The following SLC22A15 variants were observed in gnomAD, a reference collection of about 807,000 sequenced individuals.
SLC22A15 encodes the protein flipt 1.
A neutral mutation model predicts 62.7 loss-of-function variants in SLC22A15; 45 were observed. That is an observed-to-expected ratio of 0.72 (90% CI 0.56 to 0.92). The LOEUF (loss-of-function observed/expected upper bound fraction) is 0.92, where lower values mean the gene tolerates loss of function less well. Among genes scored for constraint, SLC22A15 ranks in the 40% least tolerant of loss-of-function variants. The pLI is 0.00. For synonymous variants in SLC22A15, 264 were observed against 267.0 expected, an observed-to-expected ratio of 0.99 and a Z score of 0.11; for missense variants, 622 against 665.6, an observed-to-expected ratio of 0.93 and a Z score of 0.72.
At chr1:115,979,227 T>C (rs756672810) in intron 1 of SLC22A15, among the ~76,000 whole-genome samples, 1 of 152,246 alleles carries the variant, frequency 6.6e-6, no homozygotes, top group Non-Finnish European at 1.5e-5. Context: ...AACTGTTTTC[T>C]TGAATTATTG....
intron 2 of SLC22A15, among the ~76,000 whole-genome samples, chr1:116,005,402 T>C (rs938025345): frequency 4.6e-5 from 7 of 152,014 alleles, no homozygotes; most frequent in African/African-American, 9.7e-5. Flanking sequence ...TTGATCTCCA[T>C]AGGATTTTGA....
chr1:116,052,059 A>T (rs886095248), intron 8 of SLC22A15, among the ~76,000 whole-genome samples: 6 of 152,228 alleles, frequency 3.9e-5, no homozygotes, highest in Admixed American at 2.0e-4. Flanking sequence ...GGCGCAGGAC[A>T]GTGGGTGCAG....
chr1:116,009,771 C>A (rs749687249), intron 2 of SLC22A15, among the ~76,000 whole-genome samples: 2 of 152,114 alleles, frequency 1.3e-5, no homozygotes, highest in Non-Finnish European at 2.9e-5. Flanking sequence ...AATATATAAT[C>A]TGTGGTATAT....
At chr1:115,989,547 G>A (rs920217374) in intron 1 of SLC22A15, among the ~76,000 whole-genome samples, 2 of 152,116 alleles carry the variant, frequency 1.3e-5, no homozygotes, top group Non-Finnish European at 2.9e-5. Flanking sequence ...TTGGGAGGCC[G>A]AGGCAGGTGG....
intron 2 of SLC22A15, among the ~76,000 whole-genome samples, chr1:116,006,377 A>G (rs1257026884): frequency 6.6e-6 from 1 of 152,122 alleles, no homozygotes; most frequent in Non-Finnish European, 1.5e-5. Context: ...AGGAAGGGTG[A>G]ATTAGTTAAA....
chr1:116,008,588 C>T (rs1410748810), intron 2 of SLC22A15, among the ~76,000 whole-genome samples: 2 of 152,188 alleles, frequency 1.3e-5, no homozygotes, highest in Non-Finnish European at 2.9e-5. Context: ...GCAGAGCTCA[C>T]ATTCCTCATA....
chr1:115,992,882 C>G (rs1018144309), intron 2 of SLC22A15, among the ~76,000 whole-genome samples: 27 of 152,224 alleles, frequency 1.8e-4, no homozygotes, highest in African/African-American at 6.3e-4. Context: ...ACCTCGGCCT[C>G]CCAAAGTGCT....
intron 2 of SLC22A15, among the ~76,000 whole-genome samples, chr1:115,996,056 TA>T (rs1394780607): frequency 1.3e-5 from 2 of 152,174 alleles, no homozygotes; most frequent in African/African-American, 2.4e-5. Context: ...TCCCATCCCT[TA>T]CCCTTTTCTT....
At chr1:115,995,529 G>C (rs1655379657) in intron 2 of SLC22A15, among the ~76,000 whole-genome samples, 1 of 152,166 alleles carries the variant, frequency 6.6e-6, no homozygotes, top group African/African-American at 2.4e-5. Context: ...GGGATTATAG[G>C]TGTGAGCTAC....
At chr1:116,005,242 C>T (rs1353841885) in intron 2 of SLC22A15, among the ~76,000 whole-genome samples, 1 of 152,012 alleles carries the variant, frequency 6.6e-6, no homozygotes, top group Non-Finnish European at 1.5e-5. Context: ...GAAGTGGGAT[C>T]CCTCTTGTGT....
At chr1:116,037,561 G>T in intron 8 of SLC22A15, 173 bp downstream of exon 8, 1 of 591,782 alleles carries the variant, frequency 1.7e-6, no homozygotes, top group Admixed American at 2.8e-5. Flanking sequence ...CTATTCTCTG[G>T]GTGAATAATG....
At chr1:116,014,315 A>C (rs1263388259) in intron 2 of SLC22A15, among the ~76,000 whole-genome samples, 1 of 152,156 alleles carries the variant, frequency 6.6e-6, no homozygotes, top group East Asian at 1.9e-4. Flanking sequence ...TTCTGCCCCC[A>C]GTTGTGCCTG....
intron 2 of SLC22A15, among the ~76,000 whole-genome samples, chr1:116,006,642 A>G (rs750056480): frequency 2.0e-5 from 3 of 151,520 alleles, no homozygotes; most frequent in Non-Finnish European, 4.4e-5. Flanking sequence ...GTCAATCTGT[A>G]TCTCTGTGTC....
chr1:116,026,867 T>G, intron 4 of SLC22A15, 26 bp from the exon 5 acceptor site: 1 of 1,610,500 alleles, frequency 6.2e-7, no homozygotes, highest in East Asian at 2.2e-5. Flanking sequence ...CTTTCTCCAG[T>G]GACAGTTCTC....
At chr1:116,043,804 A>C (rs915373754) in intron 8 of SLC22A15, among the ~76,000 whole-genome samples, 1 of 152,208 alleles carries the variant, frequency 6.6e-6, no homozygotes, top group Admixed American at 6.5e-5. Flanking sequence ...ATAGGCATTT[A>C]ATAAGGGAAT....
At chr1:116,002,379 C>G (rs1299350898) in intron 2 of SLC22A15, among the ~76,000 whole-genome samples, 1 of 151,974 alleles carries the variant, frequency 6.6e-6, no homozygotes, top group Non-Finnish European at 1.5e-5. Flanking sequence ...CCCAAAGGCT[C>G]TTTAGTCAGT....
rs371305815 is a variant in SLC22A15, at chr1:116,035,229, G to A, written c.987G>A (p.Ala329=). 3.2e-5 allele frequency: 52 copies of A among 1,613,108 alleles called. 1 individual carries two copies. In the East Asian group the frequency reaches 8.5e-4, roughly 26 times the overall value. Residue 329 remains alanine, a synonymous_variant, in exon 7 of 12, where the codon GCG becomes GCA. Coordinates refer to ENST00000369503, the MANE Select transcript of SLC22A15 (RefSeq NM_018420.3). ...SLVYYGLTLS[A]GDLGGSIYAN... ...TGTATTATGGCCTAACTCTGAGTGC[G>A]GGTGATCTAGGTGGAAGTATTTATG...
intron 8 of SLC22A15, among the ~76,000 whole-genome samples, chr1:116,054,412 T>C (rs1658145630): frequency 6.6e-6 from 1 of 151,832 alleles, no homozygotes; most frequent in Non-Finnish European, 1.5e-5. Context: ...AAGCAAGTCC[T>C]GAGTGACCTA....
At chr1:116,066,969 A>G (rs770761674) in intron 11 of SLC22A15, 50 bp from the exon 12 acceptor site, 1 of 1,441,700 alleles carries the variant, frequency 6.9e-7, no homozygotes, top group Non-Finnish European at 9.6e-7. Flanking sequence ...TTTCCATTTC[A>G]GAAATGTCAT....
Sources: allele counts gnomAD v4.1 joint callset (sites outside exome capture counted in the v4.1 genomes callset), GRCh38; gene constraint gnomAD v4.1.1; transcripts MANE v1.5; gene names NCBI Gene and HGNC (gene_info 2026-07-23, HGNC 2026-07-21).